TAFA5: variants seen among roughly 807,000 people sequenced by gnomAD.
The protein encoded by TAFA5 is TAFA chemokine like family member 5, also known as chemokine-like protein TAFA-5.
A neutral mutation model predicts 15.3 loss-of-function variants in TAFA5; 6 were observed. The observed-to-expected ratio is 0.39, with a 90% CI of 0.21 to 0.77. TAFA5 has a LOEUF of 0.77. Among genes scored for constraint, TAFA5 ranks in the 30% least tolerant of loss-of-function variants. The pLI is 0.41. For synonymous variants in TAFA5, 103 were observed against 80.7 expected (o/e 1.28, Z -1.48); for missense variants, 161 against 193.1 (o/e 0.83, Z 0.98).
chr22:48,707,847 A>C lies in TAFA5; in HGVS notation c.390+3A>C. 1 of 1,612,608 alleles carries C rather than the reference A, an allele frequency of 6.2e-7. No homozygotes were observed. The highest frequency in any genetic ancestry group is 8.5e-7 in the Non-Finnish European group (1 of 1,179,224). ...GCGGGAGGATAAAGACCACCACGGT[A>C]TGTGGCCCTCGGCTTTCTCGTGGGT... On this transcript the variant is annotated splice_donor_region_variant and intron_variant, in intron 3 of 3. Transcript: ENST00000402357.
chr22:48,578,672 G>C (rs1343906302), intron 1 of TAFA5, among the ~76,000 whole-genome samples: 2 of 152,218 alleles, frequency 1.3e-5, no homozygotes, highest in African/African-American at 2.4e-5. Flanking sequence ...AGCCCTCCAG[G>C]ACTCCTGAAG....
chr22:48,551,172 A>G (rs1922842450), intron 1 of TAFA5, among the ~76,000 whole-genome samples: 1 of 151,974 alleles, frequency 6.6e-6, no homozygotes, highest in Non-Finnish European at 1.5e-5. Context: ...CAGCACAGCC[A>G]TGCTGAAGAC....
At chr22:48,620,600 TACCCATCCTATCCACCCACCCACCATCC>T (rs1925767146) in intron 1 of TAFA5, among the ~76,000 whole-genome samples, 1 of 2,928 alleles carries the variant, frequency 3.4e-4, no homozygotes, top group Non-Finnish European at 7.0e-4. Flanking sequence ...CCCACCCCCC[TACCCATCCTATCCACCCACCCACCATCC>T]CCCATCCTAT....
At chr22:48,546,192 G>A (rs1922661623) in intron 1 of TAFA5, among the ~76,000 whole-genome samples, 2 of 152,218 alleles carry the variant, frequency 1.3e-5, no homozygotes, top group South Asian at 2.1e-4. Flanking sequence ...TGGGGACTGC[G>A]CCTGCACGTG....
At position 48,497,182 on chromosome 22, in the gene TAFA5, C is replaced by T. The variant is rs566019655; in HGVS notation, c.112+7478C>T. Among the ~76,000 whole-genome samples, 10 of 152,368 alleles carry T rather than the reference C, an allele frequency of 6.6e-5. No homozygotes were observed. The South Asian group carries it at 1.9e-3, about 28-fold the overall frequency. ...CCTGCCAGGGACCATGGCCCCGTTC[C>T]GCCCCCGCCTGCGGTGTTCCAGGCC... On this transcript the variant is annotated intron_variant, in intron 1 of 3. Coordinates refer to ENST00000402357, the MANE Select transcript of TAFA5 (RefSeq NM_001082967.3).
chr22:48,743,117 A>G (rs549631641), intron 3 of TAFA5, among the ~76,000 whole-genome samples: 1 of 152,306 alleles, frequency 6.6e-6, no homozygotes, highest in East Asian at 1.9e-4. Context: ...ACCCGTTCTC[A>G]CTGTTCTGGG....
chr22:48,649,441 T>G (rs949088463), intron 2 of TAFA5, among the ~76,000 whole-genome samples: 2 of 152,130 alleles, frequency 1.3e-5, no homozygotes, highest in African/African-American at 4.8e-5. Flanking sequence ...AGGCTTCTGG[T>G]GCATTTTGAG....
intron 1 of TAFA5, among the ~76,000 whole-genome samples, chr22:48,522,995 G>A (rs954636339): frequency 1.3e-5 from 2 of 152,218 alleles, no homozygotes; most frequent in Non-Finnish European, 2.9e-5. Context: ...GGCAGCTGGA[G>A]CCCCCCATGG....
intron 1 of TAFA5, among the ~76,000 whole-genome samples, chr22:48,512,628 AAGAG>A: frequency 6.6e-6 from 1 of 151,502 alleles, no homozygotes; most frequent in South Asian, 2.1e-4. Context: ...TTTGTCTCAA[AAGAG>A]AGAGACGGCC....
intron 1 of TAFA5, among the ~76,000 whole-genome samples, chr22:48,501,472 C>T (rs1920951528): frequency 6.6e-6 from 1 of 152,208 alleles, no homozygotes; most frequent in South Asian, 2.1e-4. Flanking sequence ...GCCTCTGCTT[C>T]CCTCCTGGAC....
At position 48,553,575 on chromosome 22, in the gene TAFA5, G is replaced by GGGGAC. The variant is rs547521437; in HGVS notation, c.112+63872_112+63876dup. ...GATGAGTCCTGGGGCAGGGCTGGGA[G>GGGGAC]GGGACAGATCACCAGGCACCACTGT... On this transcript the variant is annotated intron_variant, in intron 1 of 3. Transcript: ENST00000402357. 2.8e-3 allele frequency among the ~76,000 whole-genome samples: 426 copies of GGGGAC among 152,286 alleles called. 2 individuals are homozygous for GGGGAC. Among genetic ancestry groups the GGGGAC allele is most frequent in the African/African-American group, 9.8e-3 (407 of 41,562 alleles).
Position 48,566,297 on chromosome 22 carries a change from G to A in TAFA5, c.112+76593G>A, listed in dbSNP as rs1024689740. On this transcript the variant is annotated intron_variant, in intron 1 of 3. Coordinates refer to ENST00000402357, the MANE Select transcript of TAFA5 (RefSeq NM_001082967.3). This position sits in a 1 kb window ranked among gnomAD's most constrained non-coding sequence, Gnocchi z 4.5. Reference sequence around the variant, plus strand: ...ATGTATGATGGGTGGATGAAAGATGGATGGATGATGGATAGATGGATGGAT... The same window carrying A: ...ATGTATGATGGGTGGATGAAAGATGAATGGATGATGGATAGATGGATGGAT... Among the ~76,000 whole-genome samples, 4 of 150,434 alleles carry A rather than the reference G, an allele frequency of 2.7e-5. No homozygotes were observed. The highest frequency in any genetic ancestry group is 9.8e-5 in the African/African-American group (4 of 40,736).
At chr22:48,705,635 G>A (rs1929054543) in intron 2 of TAFA5, among the ~76,000 whole-genome samples, 1 of 152,262 alleles carries the variant, frequency 6.6e-6, no homozygotes, top group Admixed American at 6.5e-5. Flanking sequence ...CAAGGCCCTT[G>A]TTAAAAATTA....
At chr22:48,669,267 G>A (rs948628430) in intron 2 of TAFA5, among the ~76,000 whole-genome samples, 2 of 152,252 alleles carry the variant, frequency 1.3e-5, no homozygotes, top group African/African-American at 4.8e-5. Flanking sequence ...GGCAGGCATT[G>A]CTTCATCTCC....
intron 3 of TAFA5, among the ~76,000 whole-genome samples, chr22:48,708,185 G>T (rs1438954734): frequency 2.6e-5 from 4 of 152,190 alleles, no homozygotes; most frequent in African/African-American, 9.7e-5. Flanking sequence ...GATTTTGCAG[G>T]CTGGAGGAGG....
Position 48,734,312 on chromosome 22 carries a change from T to G in TAFA5, c.391-15527T>G, listed in dbSNP as rs147495827. ...ATGGGGAGTGGAGGGCGAAATATCG[T>G]GAGGCCAGCTGTTCTTTCAAAAGTT... On this transcript the variant is annotated intron_variant, in intron 3 of 3. Coordinates refer to ENST00000402357, the MANE Select transcript of TAFA5 (RefSeq NM_001082967.3). Among the ~76,000 whole-genome samples the G allele has an allele frequency of 2.6e-5, 4 of 152,336 alleles. No homozygotes were observed. The East Asian group carries it at 7.7e-4, about 29-fold the overall frequency.
chr22:48,712,647 G>T (rs1490742035), intron 3 of TAFA5, among the ~76,000 whole-genome samples: 1 of 152,212 alleles, frequency 6.6e-6, no homozygotes, highest in East Asian at 1.9e-4. Flanking sequence ...CTCTCTGCTG[G>T]CTCTACCTTG....
chr22:48,562,226 C>T (rs146132238), intron 1 of TAFA5, among the ~76,000 whole-genome samples: 1 of 152,180 alleles, frequency 6.6e-6, no homozygotes, highest in Non-Finnish European at 1.5e-5. Flanking sequence ...CAAGCTCTGC[C>T]TCCCGGGTTC....
At chr22:48,665,145 G>C (rs987756966) in intron 2 of TAFA5, among the ~76,000 whole-genome samples, 5 of 152,172 alleles carry the variant, frequency 3.3e-5, no homozygotes, top group African/African-American at 1.2e-4. Context: ...TCGTGGACTT[G>C]GTTTTTTCTG....
Sources: gnomAD v4.1 joint callset for allele counts (sites outside exome capture counted in the v4.1 genomes callset) on GRCh38, gnomAD v4.1.1 for gene constraint, Gnocchi (gnomAD v3.1) non-coding constraint, MANE v1.5 for transcripts, NCBI Gene and HGNC (gene_info 2026-07-23, HGNC 2026-07-21) for gene names.